Variants in EIF4EBP1 observed in about 807,000 individuals in gnomAD.
The protein encoded by EIF4EBP1 is eukaryotic translation initiation factor 4E binding protein 1, also known as eukaryotic translation initiation factor 4E-binding protein 1.
Under a neutral mutation model 9.2 loss-of-function variants are expected in EIF4EBP1, and 5 were observed. That is an observed-to-expected ratio of 0.54 (90% CI 0.28 to 1.14). The LOEUF (loss-of-function observed/expected upper bound fraction) is 1.14, where lower values mean the gene tolerates loss of function less well. EIF4EBP1 is among the 50% of genes most tolerant of loss of function. EIF4EBP1 has a pLI of 0.09. For missense variants in EIF4EBP1, 139 were observed against 169.6 expected (o/e 0.82, Z 1.00); for synonymous variants, 62 against 67.0 (o/e 0.93, Z 0.36).
chr8:38,059,861 T>C, intron 2 of EIF4EBP1, 43 bp from the exon 3 acceptor site: 2 of 1,494,036 alleles, frequency 1.3e-6, no homozygotes, highest in East Asian at 2.3e-5. Flanking sequence ...ATACCAAGCA[T>C]TCACCCATTG....
chr8:38,032,932 T>C lies in EIF4EBP1; in HGVS notation c.145+2214T>C, dbSNP rs537478572. ...AGCCAAAATGGTCACACCCTTTTGC[T>C]CCAGAGCAGAATACTGCCTCTCAGT... On this transcript the variant is annotated intron_variant, in intron 1 of 2. Transcript: ENST00000338825. Among the ~76,000 whole-genome samples, 350 of 152,170 alleles carry C rather than the reference T, an allele frequency of 2.3e-3. 1 individual carries two copies. Among genetic ancestry groups the C allele is most frequent in the African/African-American group, 8.0e-3 (333 of 41,516 alleles).
At position 38,035,520 on chromosome 8, in the gene EIF4EBP1, A is replaced by ATTATT. The variant is rs113130853; in HGVS notation, c.145+4825_145+4829dup. Reference sequence around the variant, plus strand: ...GGCATGAGCCACCACACCCGGCCTTATTATTTTATTTTATTTTATTTTATT... The same window carrying ATTATT: ...GGCATGAGCCACCACACCCGGCCTTATTATTTTATTTTATTTTATTTTATTTTATT... On this transcript the variant is annotated intron_variant, in intron 1 of 2. Coordinates refer to ENST00000338825, the MANE Select transcript of EIF4EBP1 (RefSeq NM_004095.4). Among the ~76,000 whole-genome samples, 1,439 of 150,418 alleles carry ATTATT rather than the reference A, an allele frequency of 9.6e-3. 17 individuals are homozygous for ATTATT. The highest frequency in any genetic ancestry group is 0.026 in the African/African-American group (1,072 of 40,950).
chr8:38,057,247 T>C lies in EIF4EBP1; in HGVS notation c.312T>C (p.Asp104=), dbSNP rs993117792. Residue 104 remains aspartate (D), a synonymous_variant, in exon 2 of 3, where the codon GAT becomes GAC. Transcript: ENST00000338825. ...GCCACCTGCGCAATAGCCCAGAAGA[T>C]AAGCGGGCGGGCGGTGAGTGTCGGG... ...SQSHLRNSPE[D]KRAGGEESQF... is the part of the protein sequence containing the mutation. 6.2e-7 allele frequency: 1 copy of C among 1,611,268 alleles called. No individual in the cohort carries two copies. The highest frequency in any genetic ancestry group is 8.5e-7 in the Non-Finnish European group (1 of 1,178,230).
At chr8:38,056,940 G>T in intron 1 of EIF4EBP1, 141 bp from the exon 2 acceptor site, 1 of 818,626 alleles carries the variant, frequency 1.2e-6, no homozygotes, top group Non-Finnish European at 2.0e-6. Flanking sequence ...TGGGATTATG[G>T]GCATGAGCCA....
chr8:38,046,196 C>A (rs552875723), intron 1 of EIF4EBP1, among the ~76,000 whole-genome samples: 1 of 152,326 alleles, frequency 6.6e-6, no homozygotes, highest in South Asian at 2.1e-4. Context: ...AGCTTCCCCA[C>A]CCGGCCTACA....
At chr8:38,044,222 T>C (rs555066962) in intron 1 of EIF4EBP1, among the ~76,000 whole-genome samples, 1 of 151,738 alleles carries the variant, frequency 6.6e-6, no homozygotes, top group South Asian at 2.1e-4. Context: ...AATGGAAGAA[T>C]GCTTCTGCCA....
At chr8:38,033,062 CTTTTTTTTTT>C (rs765781155) in intron 1 of EIF4EBP1, among the ~76,000 whole-genome samples, 1 of 125,464 alleles carries the variant, frequency 8.0e-6, no homozygotes, top group East Asian at 2.2e-4. Flanking sequence ...TTCTTTCTTT[CTTTTTTTTTT>C]TTTTTTTTTT....
intron 1 of EIF4EBP1, among the ~76,000 whole-genome samples, chr8:38,049,918 CTT>C (rs33909903): frequency 4.8e-5 from 7 of 145,468 alleles, no homozygotes; most frequent in African/African-American, 5.1e-5. Flanking sequence ...TTTCTTTTTT[CTT>C]TTTTTTTTTG....
At chr8:38,056,153 C>T (rs551390103) in intron 1 of EIF4EBP1, among the ~76,000 whole-genome samples, 3 of 151,912 alleles carry the variant, frequency 2.0e-5, no homozygotes, top group African/African-American at 4.8e-5. Flanking sequence ...CCATCATGCC[C>T]GACTCATTTT....
intron 1 of EIF4EBP1, among the ~76,000 whole-genome samples, chr8:38,032,232 C>T (rs1809235361): frequency 6.6e-6 from 1 of 152,114 alleles, no homozygotes; most frequent in South Asian, 2.1e-4. Flanking sequence ...GCACTTCTGG[C>T]CCGGGTACCA....
chr8:38,047,094 A>C (rs369153311), intron 1 of EIF4EBP1, among the ~76,000 whole-genome samples: 2 of 152,240 alleles, frequency 1.3e-5, no homozygotes, highest in African/African-American at 4.8e-5. Context: ...CCGGGGGTTT[A>C]GGGTCAGGCT....
chr8:38,056,911 T>C (rs112465775), intron 1 of EIF4EBP1, among the ~76,000 whole-genome samples, 170 bp from the exon 2 acceptor site: 12,244 of 151,998 alleles, frequency 0.081, 1,354 homozygotes, highest in African/African-American at 0.25. Context: ...GATCCACCCA[T>C]GTTGGTCTCC....
chr8:38,050,066 A>C (rs1380809138), intron 1 of EIF4EBP1, among the ~76,000 whole-genome samples: 1 of 151,606 alleles, frequency 6.6e-6, no homozygotes, highest in East Asian at 2.0e-4. Flanking sequence ...GTGCACCACC[A>C]CACCCAGCTA....
At chr8:38,047,324 T>G (rs1196454045) in intron 1 of EIF4EBP1, 1 of 152,140 alleles carries the variant, frequency 6.6e-6, no homozygotes, top group Non-Finnish European at 1.5e-5. Context: ...GTTCAGTGAG[T>G]AAGTAAATGA....
intron 1 of EIF4EBP1, among the ~76,000 whole-genome samples, chr8:38,052,450 C>T (rs990656493): frequency 7.0e-6 from 1 of 142,714 alleles, no homozygotes; most frequent in East Asian, 1.9e-4. Flanking sequence ...TTTAGTAGGC[C>T]AGGTGCAGTG....
intron 1 of EIF4EBP1, among the ~76,000 whole-genome samples, chr8:38,043,139 C>T (rs1413842272): frequency 2.0e-5 from 3 of 152,144 alleles, no homozygotes; most frequent in Admixed American, 2.0e-4. Flanking sequence ...ATTCCCCTTT[C>T]CAACTGGGAC....
chr8:38,053,102 T>G (rs1308729894), intron 1 of EIF4EBP1, among the ~76,000 whole-genome samples: 1 of 151,998 alleles, frequency 6.6e-6, no homozygotes, highest in Non-Finnish European at 1.5e-5. Context: ...CACTGCAACC[T>G]CCGCCTCCCA....
intron 1 of EIF4EBP1, among the ~76,000 whole-genome samples, chr8:38,043,582 G>A (rs1025243723): frequency 4.6e-5 from 7 of 151,948 alleles, no homozygotes; most frequent in Admixed American, 2.6e-4. Context: ...CTGACCTCAG[G>A]CGATCCACCT....
intron 1 of EIF4EBP1, among the ~76,000 whole-genome samples, chr8:38,042,096 C>T (rs1018989976): frequency 6.6e-6 from 1 of 152,126 alleles, no homozygotes; most frequent in African/African-American, 2.4e-5. Context: ...TCACCCAAAC[C>T]ATCTCCTCTT....
Sources: allele counts gnomAD v4.1 joint callset (sites outside exome capture counted in the v4.1 genomes callset), GRCh38; gene constraint gnomAD v4.1.1; transcripts MANE v1.5; gene names NCBI Gene and HGNC (gene_info 2026-07-23, HGNC 2026-07-21).